CDK17: variants seen among roughly 807,000 people sequenced by gnomAD.
CDK17 encodes the protein cyclin dependent kinase 17.
A neutral mutation model predicts 77.6 loss-of-function variants in CDK17; 24 were observed. The ratio of observed to expected loss-of-function variants is 0.31; its 90% CI spans 0.22 to 0.44. CDK17 has a LOEUF of 0.44. CDK17 is among the 20% of genes least tolerant of loss of function. CDK17 has a pLI of 1.00. For missense variants in CDK17, 429 were observed against 622.5 expected (o/e 0.69, Z 3.31); for synonymous variants, 203 against 210.4 (o/e 0.96, Z 0.30).
intron 4 of CDK17, among the ~76,000 whole-genome samples, chr12:96,312,486 C>T (rs1012058168): frequency 1.3e-5 from 2 of 151,928 alleles, no homozygotes; most frequent in African/African-American, 4.8e-5. Flanking sequence ...ATAAATATAT[C>T]GTTGATTTCA....
chr12:96,356,098 T>C (rs974763471), intron 1 of CDK17, among the ~76,000 whole-genome samples: 1 of 152,178 alleles, frequency 6.6e-6, no homozygotes, highest in African/African-American at 2.4e-5. Flanking sequence ...AGATAAAATA[T>C]TAACTCTGTT....
intron 1 of CDK17, among the ~76,000 whole-genome samples, chr12:96,350,155 T>C (rs367991683): frequency 1.3e-5 from 2 of 152,276 alleles, no homozygotes; most frequent in South Asian, 2.1e-4. Flanking sequence ...CCCATAGTCA[T>C]GGATTGGAAG....
chr12:96,351,026 G>T (rs1953303504), intron 1 of CDK17, among the ~76,000 whole-genome samples: 1 of 152,042 alleles, frequency 6.6e-6, no homozygotes, highest in Non-Finnish European at 1.5e-5. Flanking sequence ...ATGGGTAAAG[G>T]TCTTGAATGT....
At chr12:96,298,558 ACT>A (rs948853608) in intron 7 of CDK17, among the ~76,000 whole-genome samples, 9 of 152,056 alleles carry the variant, frequency 5.9e-5, no homozygotes, top group Admixed American at 2.0e-4. Flanking sequence ...ATGTTTACAC[ACT>A]GTTTTTTAAT....
At chr12:96,292,711 C>A (rs1775666439) in intron 10 of CDK17, among the ~76,000 whole-genome samples, 1 of 152,106 alleles carries the variant, frequency 6.6e-6, no homozygotes, top group South Asian at 2.1e-4. Context: ...TAAGAGTATT[C>A]AAACTCTCAG....
intron 11 of CDK17, among the ~76,000 whole-genome samples, chr12:96,287,003 A>G (rs12814385): frequency 0.052 from 7,888 of 152,300 alleles, 267 homozygotes; most frequent in Non-Finnish European, 0.064. Context: ...TCCTTGAAGA[A>G]TAACACTAAC....
chr12:96,304,132 GTTT>G (rs1330033322), intron 5 of CDK17, among the ~76,000 whole-genome samples: 3 of 152,134 alleles, frequency 2.0e-5, no homozygotes, highest in Admixed American at 2.0e-4. Flanking sequence ...CTCAGACTAT[GTTT>G]GACCTCACAT....
chr12:96,399,836 C>T (rs1005046632), intron 1 of CDK17, 150 bp downstream of exon 1: 1 of 231,306 alleles, frequency 4.3e-6, no homozygotes, highest in Non-Finnish European at 8.3e-6. Context: ...CCCCCCGCGC[C>T]GCGCCTCCTC....
chr12:96,399,000 A>C (rs1954215321), intron 1 of CDK17: 1 of 152,258 alleles, frequency 6.6e-6, no homozygotes, highest in Non-Finnish European at 1.5e-5. Flanking sequence ...TGGGAGGAAG[A>C]GAGAGAAGTT....
chr12:96,394,140 G>A (rs1954124661), intron 1 of CDK17, among the ~76,000 whole-genome samples: 1 of 151,968 alleles, frequency 6.6e-6, no homozygotes. Context: ...CAGCTACTCG[G>A]GAGGCTGAGG....
At chr12:96,298,703 A>C (rs1397586838) in intron 7 of CDK17, among the ~76,000 whole-genome samples, 166 bp downstream of exon 7, 1 of 152,222 alleles carries the variant, frequency 6.6e-6, no homozygotes, top group African/African-American at 2.4e-5. Flanking sequence ...GTTATACACT[A>C]ATATAATTAA....
At chr12:96,384,494 A>G (rs778640675) in intron 1 of CDK17, among the ~76,000 whole-genome samples, 1 of 152,250 alleles carries the variant, frequency 6.6e-6, no homozygotes, top group Non-Finnish European at 1.5e-5. Flanking sequence ...TAGCAAAGAC[A>G]TGGAATCAAC....
At chr12:96,317,778 T>G (rs1020079713) in intron 3 of CDK17, among the ~76,000 whole-genome samples, 3 of 148,078 alleles carry the variant, frequency 2.0e-5, no homozygotes, top group African/African-American at 7.4e-5. Flanking sequence ...AGGCCTGCCC[T>G]AAAAGAGCTC....
chr12:96,399,930 C>G (rs538671086), intron 1 of CDK17, 56 bp downstream of exon 1: 1 of 357,282 alleles, frequency 2.8e-6, no homozygotes. Flanking sequence ...CTCCCGGCCC[C>G]GCGGCCGACC....
chr12:96,339,869 G>A (rs1953098638), intron 1 of CDK17, among the ~76,000 whole-genome samples: 1 of 152,068 alleles, frequency 6.6e-6, no homozygotes. Flanking sequence ...AGAGGTTGCA[G>A]TGAGCTAGGA....
At chr12:96,300,247 A>G (rs375410289) in intron 6 of CDK17, 57 bp downstream of exon 6, 14 of 1,125,476 alleles carry the variant, frequency 1.2e-5, no homozygotes, top group Non-Finnish European at 1.9e-5. Flanking sequence ...GGAGTAACAG[A>G]GTTTGAATGA....
intron 11 of CDK17, among the ~76,000 whole-genome samples, chr12:96,288,255 G>A (rs927035762): frequency 6.6e-6 from 1 of 152,016 alleles, no homozygotes; most frequent in Non-Finnish European, 1.5e-5. Context: ...AACTGTTCAA[G>A]ACAGCAACAG....
intron 1 of CDK17, among the ~76,000 whole-genome samples, chr12:96,366,385 T>C (rs1271162677): frequency 6.6e-6 from 1 of 152,160 alleles, no homozygotes; most frequent in African/African-American, 2.4e-5. Context: ...AAGTAAAATA[T>C]CCATCTGAAA....
intron 5 of CDK17, among the ~76,000 whole-genome samples, chr12:96,307,146 T>C (rs1246721462): frequency 2.0e-5 from 3 of 151,770 alleles, no homozygotes; most frequent in African/African-American, 7.3e-5. Context: ...AAATACAAAA[T>C]TAGCCGGGTG....
Sources: allele counts gnomAD v4.1 joint callset (sites outside exome capture counted in the v4.1 genomes callset), GRCh38; gene constraint gnomAD v4.1.1; transcripts MANE v1.5; gene names NCBI Gene and HGNC (gene_info 2026-07-23, HGNC 2026-07-21).